Variants in NPLOC4 observed in about 807,000 individuals in gnomAD.
NPLOC4 encodes NPL4 homolog, ubiquitin recognition factor.
NPLOC4 carries 18 observed loss-of-function variants against 80.6 expected under a neutral mutation model. The observed-to-expected ratio is 0.22, with a 90% CI of 0.15 to 0.33. NPLOC4 has a LOEUF of 0.33. Ranked by LOEUF, NPLOC4 falls within the 10% of genes least tolerant of loss-of-function variation. NPLOC4 has a pLI of 1.00. For missense variants in NPLOC4, 540 were observed against 786.1 expected (o/e 0.69, Z 3.74); for synonymous variants, 313 against 301.5 (o/e 1.04, Z -0.39).
chr17:81,606,928 C>T (rs1434438649), intron 6 of NPLOC4, 114 bp from the exon 7 acceptor site: 31 of 934,348 alleles, frequency 3.3e-5, no homozygotes, highest in Admixed American at 6.2e-5. Flanking sequence ...GAGCTAAGCA[C>T]GTGGCAGCAG....
intron 1 of NPLOC4, among the ~76,000 whole-genome samples, chr17:81,632,547 C>T (rs12946906): frequency 0.46 from 69,276 of 151,766 alleles, 17,287 homozygotes; most frequent in East Asian, 0.77. Context: ...CTCCTGACCT[C>T]AAGTTATCCA....
At chr17:81,615,094 CTGTT>C (rs2035443523) in intron 3 of NPLOC4, among the ~76,000 whole-genome samples, 2 of 94,916 alleles carry the variant, frequency 2.1e-5, no homozygotes, top group Admixed American at 1.2e-4. Flanking sequence ...TCAGAGACGT[CTGTT>C]TCTTTTTTTT....
chr17:81,560,081 A>G (rs1320818044), intron 16 of NPLOC4, among the ~76,000 whole-genome samples: 1 of 151,936 alleles, frequency 6.6e-6, no homozygotes, highest in Non-Finnish European at 1.5e-5. Flanking sequence ...TCATTCTTCT[A>G]CAATTTCTTT....
chr17:81,620,962 G>A (rs1007076893), intron 3 of NPLOC4, among the ~76,000 whole-genome samples: 2 of 152,058 alleles, frequency 1.3e-5, no homozygotes, highest in African/African-American at 2.4e-5. Context: ...GGTCGAGGCT[G>A]CAGTGAGCTA....
At chr17:81,602,423 G>C (rs1219604048) in intron 8 of NPLOC4, among the ~76,000 whole-genome samples, 1 of 152,006 alleles carries the variant, frequency 6.6e-6, no homozygotes, top group Non-Finnish European at 1.5e-5. Flanking sequence ...AAAAAAATCA[G>C]GCCGGGCGCA....
At chr17:81,601,888 C>T (rs1293525664) in intron 8 of NPLOC4, among the ~76,000 whole-genome samples, 4 of 152,186 alleles carry the variant, frequency 2.6e-5, no homozygotes, top group East Asian at 1.9e-4. Flanking sequence ...GCATAGCCTG[C>T]AGTTTCAGAC....
In NPLOC4 at chr17:81,616,822, A is replaced by T. The variant is rs75156940; in HGVS notation, c.210-3328T>A. Among the ~76,000 whole-genome samples, 372 of 152,328 alleles carry T rather than the reference A, an allele frequency of 2.4e-3. 11 individuals carry two copies. The East Asian group carries it at 0.06, about 25-fold the overall frequency. ...GTTAGACTGCCAAAGACTCAGACAC[A>T]GAAATTATGAGACCGAATATCAACC... On this transcript the variant is annotated intron_variant, in intron 3 of 16. Transcript: ENST00000331134.
chr17:81,597,121 C>A, intron 10 of NPLOC4, 124 bp downstream of exon 10: 1 of 687,754 alleles, frequency 1.5e-6, no homozygotes, highest in South Asian at 1.8e-5. Context: ...TCAAAAAATA[C>A]AAATAAATAA....
At chr17:81,586,558 C>T (rs185350904) in intron 12 of NPLOC4, among the ~76,000 whole-genome samples, 101 of 149,046 alleles carry the variant, frequency 6.8e-4, no homozygotes, top group African/African-American at 2.4e-3. Context: ...TGCAGTGGGC[C>T]GAGATCGCGC....
intron 11 of NPLOC4, among the ~76,000 whole-genome samples, chr17:81,593,249 C>A (rs1381401788): frequency 1.3e-5 from 2 of 151,990 alleles, no homozygotes; most frequent in Non-Finnish European, 1.5e-5. Context: ...GGCAAGGGCA[C>A]ACTCTTCTGC....
At chr17:81,636,871 T>G in intron 1 of NPLOC4, 45 bp downstream of exon 1, 1 of 1,399,030 alleles carries the variant, frequency 7.1e-7, no homozygotes, top group Non-Finnish European at 9.3e-7. Context: ...GCAAATCTGC[T>G]GCCTCATCCC....
intron 7 of NPLOC4, among the ~76,000 whole-genome samples, chr17:81,605,272 C>G (rs1268291337): frequency 3.9e-5 from 5 of 129,192 alleles, no homozygotes; most frequent in Admixed American, 3.8e-4. Context: ...CAGAGCAAAA[C>G]TCCATCTCAA....
chr17:81,558,553 C>T lies in NPLOC4; in HGVS notation c.*706G>A, dbSNP rs1404352880. The T allele has an allele frequency of 6.6e-6, 1 of 152,166 alleles. No individual in the cohort carries two copies. Among genetic ancestry groups the T allele is most frequent in the Non-Finnish European group, 1.5e-5 (1 of 68,040 alleles). The allele number at this position is 152,166 out of a possible 1,614,324, so 9.4% of individuals were successfully genotyped here. On this transcript the variant is annotated 3_prime_UTR_variant, in exon 17 of 17. Coordinates refer to ENST00000331134, the MANE Select transcript of NPLOC4 (RefSeq NM_017921.4). ...GAGGGAAGGATGTGGAAACTAGTCTCTCTCACTCCCCTTTTGTGCAGTTTT... is the reference window on the plus strand; with the variant it reads ...GAGGGAAGGATGTGGAAACTAGTCTTTCTCACTCCCCTTTTGTGCAGTTTT...
intron 3 of NPLOC4, among the ~76,000 whole-genome samples, chr17:81,619,625 T>C (rs2035610348): frequency 6.6e-6 from 1 of 150,918 alleles, no homozygotes; most frequent in Admixed American, 6.6e-5. Context: ...ACATCTGTAA[T>C]GCCAACACTT....
chr17:81,579,488 G>A (rs1021850924), intron 12 of NPLOC4, among the ~76,000 whole-genome samples: 3 of 152,032 alleles, frequency 2.0e-5, no homozygotes, highest in African/African-American at 7.3e-5. Flanking sequence ...ACAAGTTCCT[G>A]GTCTAAAAGG....
At chr17:81,604,354 T>C (rs1225803291) in intron 8 of NPLOC4, among the ~76,000 whole-genome samples, 194 bp downstream of exon 8, 2 of 152,114 alleles carry the variant, frequency 1.3e-5, no homozygotes, top group Non-Finnish European at 2.9e-5. Context: ...ATCCTTATCC[T>C]TAGTAACATA....
rs370403982 is a variant in NPLOC4, at chr17:81,604,491, C to T, written c.834+57G>A. On this transcript the variant is annotated intron_variant, in intron 8 of 16. Coordinates refer to ENST00000331134, the MANE Select transcript of NPLOC4 (RefSeq NM_017921.4). ...ACAGGGCAAGGCCTCTCCGAAAGGG[C>T]GTCCCCCACAGCCTCCAAACACAGA... The T allele has an allele frequency of 5.2e-6, 8 of 1,524,732 alleles. No individual in the cohort carries two copies. The East Asian group carries it at 1.1e-4, about 22-fold the overall frequency. 94.5% of individuals were successfully genotyped at this position (1,524,732 alleles called of 1,614,324 possible). A position where few individuals can be genotyped will look rare whatever the true frequency, so the allele number is the denominator to read the frequency against.
intron 5 of NPLOC4, 26 bp from the exon 6 acceptor site, chr17:81,608,848 G>A: frequency 1.3e-6 from 2 of 1,540,164 alleles, no homozygotes; most frequent in East Asian, 2.4e-5. Context: ...GTAAGCGAGT[G>A]CAGTCTCACA....
At position 81,597,319 on chromosome 17, in the gene NPLOC4, TAAA is replaced by T. The variant is rs954266397; in HGVS notation, c.922-6_922-4del. 2 of 1,611,868 alleles carry T rather than the reference TAAA, an allele frequency of 1.2e-6. No homozygotes were observed. Among genetic ancestry groups the T allele is most frequent in the African/African-American group, 2.7e-5 (2 of 74,820 alleles). ...AGGTCTGTAAATATCCAGCCAACCT[TAAA>T]AAAAGGAAAGTAGCTTTTAAACATC... is the stretch of plus-strand genomic sequence containing the variant. On this transcript the variant is annotated splice_polypyrimidine_tract_variant and splice_region_variant and intron_variant, in intron 9 of 16. Coordinates refer to ENST00000331134, the MANE Select transcript of NPLOC4 (RefSeq NM_017921.4).
Sources: allele counts gnomAD v4.1 joint callset (sites outside exome capture counted in the v4.1 genomes callset), GRCh38; gene constraint gnomAD v4.1.1; transcripts MANE v1.5; gene names NCBI Gene and HGNC (gene_info 2026-07-23, HGNC 2026-07-21).